Variants in ARHGAP10 observed in about 807,000 individuals in gnomAD.
ARHGAP10 encodes Rho GTPase activating protein 10.
In ARHGAP10, 87 loss-of-function variants were observed where a neutral mutation model predicts 108.6. The observed-to-expected ratio is 0.80, with a 90% CI of 0.67 to 0.96. The LOEUF (loss-of-function observed/expected upper bound fraction) is 0.96, where lower values mean the gene tolerates loss of function less well. ARHGAP10 is among the 40% of genes least tolerant of loss of function. The pLI, the probability that ARHGAP10 is intolerant of heterozygous loss-of-function variation, is 0.00. For synonymous variants in ARHGAP10, 347 were observed against 341.1 expected (o/e 1.02, Z -0.19); for missense variants, 939 against 954.5 (o/e 0.98, Z 0.21).
chr4:147,925,230 AC>A (rs1459667987), intron 13 of ARHGAP10, among the ~76,000 whole-genome samples: 6 of 152,074 alleles, frequency 3.9e-5, no homozygotes, highest in African/African-American at 1.4e-4. Flanking sequence ...ACCACAAAAC[AC>A]CCTGAAAACC....
chr4:147,895,193 A>G (rs544670376), intron 10 of ARHGAP10, among the ~76,000 whole-genome samples: 1 of 152,126 alleles, frequency 6.6e-6, no homozygotes, highest in Non-Finnish European at 1.5e-5. Flanking sequence ...TTTCCTAAAT[A>G]TTTTATGTTT....
At chr4:147,940,628 A>G (rs1409665679) in intron 14 of ARHGAP10, among the ~76,000 whole-genome samples, 1 of 152,198 alleles carries the variant, frequency 6.6e-6, no homozygotes, top group Non-Finnish European at 1.5e-5. Context: ...ATCTGTCATT[A>G]TGATCTTGCT....
chr4:147,733,863 C>T (rs1287062790), intron 1 of ARHGAP10, among the ~76,000 whole-genome samples: 1 of 152,132 alleles, frequency 6.6e-6, no homozygotes, highest in Non-Finnish European at 1.5e-5. Flanking sequence ...AGGACTGGGA[C>T]TCACTTAGGG....
chr4:148,072,385 T>C lies in ARHGAP10; in HGVS notation c.*304T>C. 3.1e-6 allele frequency: 1 copy of C among 321,320 alleles called. No individual in the cohort carries two copies. The highest frequency in any genetic ancestry group is 9.5e-5 in the South Asian group (1 of 10,476). 19.9% of individuals were successfully genotyped at this position (321,320 alleles called of 1,614,324 possible). On this transcript the variant is annotated 3_prime_UTR_variant, in exon 23 of 23. Coordinates refer to ENST00000336498, the MANE Select transcript of ARHGAP10 (RefSeq NM_024605.4). ...TATAGAATGAGAGGGAGGGCAGCCT[T>C]CTGCCACCTGTGTCGCCTCCACTGG...
At chr4:147,854,926 A>G (rs1734027409) in intron 4 of ARHGAP10, 1 of 949,182 alleles carries the variant, frequency 1.1e-6, no homozygotes, top group South Asian at 4.9e-5. Context: ...TTCATTCCCA[A>G]CTTTACCCAC....
chr4:147,754,384 G>C (rs1009850445), intron 1 of ARHGAP10, among the ~76,000 whole-genome samples: 24 of 152,314 alleles, frequency 1.6e-4, no homozygotes, highest in African/African-American at 5.8e-4. Context: ...CTAGAAAGCT[G>C]TTTTGGCCTT....
At chr4:147,804,661 A>G (rs1284862378) in intron 1 of ARHGAP10, among the ~76,000 whole-genome samples, 1 of 151,674 alleles carries the variant, frequency 6.6e-6, no homozygotes, top group African/African-American at 2.4e-5. Context: ...TTATTTTTTG[A>G]CTTTTTGGTA....
chr4:147,822,847 T>C, intron 2 of ARHGAP10, 25 bp downstream of exon 2: 1 of 1,613,912 alleles, frequency 6.2e-7, no homozygotes, highest in Non-Finnish European at 8.5e-7. Context: ...TATTTTGGTT[T>C]GTTTTCCTTT....
chr4:147,835,652 G>C (rs533071866), intron 3 of ARHGAP10, among the ~76,000 whole-genome samples: 1 of 152,188 alleles, frequency 6.6e-6, no homozygotes, highest in Non-Finnish European at 1.5e-5. Context: ...GGGATTACAG[G>C]CATGAGCCAC....
intron 3 of ARHGAP10, among the ~76,000 whole-genome samples, chr4:147,846,767 A>G (rs966144739): frequency 1.3e-5 from 2 of 152,228 alleles, no homozygotes; most frequent in African/African-American, 2.4e-5. Context: ...CTGATTATCA[A>G]TAAAGGAATG....
intron 8 of ARHGAP10, among the ~76,000 whole-genome samples, chr4:147,878,243 G>A (rs111739701): frequency 0.043 from 6,523 of 152,042 alleles, 431 homozygotes; most frequent in African/African-American, 0.15. Context: ...CTACAGGCGC[G>A]TGCCACCACG....
At chr4:148,019,633 C>G (rs1240864145) in intron 18 of ARHGAP10, among the ~76,000 whole-genome samples, 1 of 151,864 alleles carries the variant, frequency 6.6e-6, no homozygotes, top group Non-Finnish European at 1.5e-5. Flanking sequence ...GCCTGTAATC[C>G]CAGCTACTCA....
At chr4:148,066,196 C>T (rs986747217) in intron 22 of ARHGAP10, among the ~76,000 whole-genome samples, 6 of 152,156 alleles carry the variant, frequency 3.9e-5, no homozygotes, top group Non-Finnish European at 7.3e-5. Flanking sequence ...ATCATGGCCA[C>T]ACTCTGGCGG....
At chr4:147,856,594 G>A (rs1035672906) in intron 4 of ARHGAP10, among the ~76,000 whole-genome samples, 1 of 152,028 alleles carries the variant, frequency 6.6e-6, no homozygotes, top group South Asian at 2.1e-4. Context: ...TTACCTTTAG[G>A]CTATGTGTGA....
At chr4:147,950,284 G>GCAT (rs1300430917) in intron 15 of ARHGAP10, among the ~76,000 whole-genome samples, 1 of 152,062 alleles carries the variant, frequency 6.6e-6, no homozygotes, top group Non-Finnish European at 1.5e-5. Flanking sequence ...TTTTGGTGAT[G>GCAT]CATCAAATGG....
At chr4:148,020,628 G>C (rs961730383) in intron 18 of ARHGAP10, among the ~76,000 whole-genome samples, 2 of 151,172 alleles carry the variant, frequency 1.3e-5, no homozygotes, top group Admixed American at 6.6e-5. Flanking sequence ...ACAGGATCTT[G>C]TTCCTTTTTA....
In ARHGAP10 at chr4:148,072,057, A is replaced by T. The variant is rs374207710; in HGVS notation, c.2337A>T (p.Pro779=). Residue 779 remains proline, a synonymous_variant, in exon 23 of 23, where the codon CCA becomes CCT. Coordinates refer to ENST00000336498, the MANE Select transcript of ARHGAP10 (RefSeq NM_024605.4). ...TGAACGGCAAGAGGGGGCTGATTCC[A>T]CAGAACTACGTCAAGCTGCTGTAGC... ...GTLNGKRGLI[P]QNYVKLL 20 of 1,613,410 alleles carry T rather than the reference A, an allele frequency of 1.2e-5. No individual in the cohort carries two copies. The highest frequency in any genetic ancestry group is 1.5e-5 in the Non-Finnish European group (18 of 1,179,796).
intron 15 of ARHGAP10, among the ~76,000 whole-genome samples, chr4:147,949,506 C>T (rs556774572): frequency 1.3e-5 from 2 of 152,308 alleles, no homozygotes; most frequent in East Asian, 3.9e-4. Flanking sequence ...TTGCAGTGCT[C>T]CTGGCATCTG....
At chr4:148,014,523 A>G (rs1482428921) in intron 18 of ARHGAP10, among the ~76,000 whole-genome samples, 1 of 152,258 alleles carries the variant, frequency 6.6e-6, no homozygotes. Context: ...GAAAGTTTAC[A>G]TAGTGAAAAT....
Sources: gnomAD v4.1 joint callset for allele counts (sites outside exome capture counted in the v4.1 genomes callset) on GRCh38, gnomAD v4.1.1 for gene constraint, MANE v1.5 for transcripts, NCBI Gene and HGNC (gene_info 2026-07-23, HGNC 2026-07-21) for gene names.